RRP12: variants seen among roughly 807,000 people sequenced by gnomAD.
RRP12 encodes the protein ribosomal RNA processing 12 homolog.
Under a neutral mutation model 157.3 loss-of-function variants are expected in RRP12, and 78 were observed. That is an observed-to-expected ratio of 0.50 (90% CI 0.41 to 0.60). The LOEUF is 0.60. RRP12 is among the 20% of genes least tolerant of loss of function. The pLI is 0.00. For missense variants in RRP12, 1,521 were observed against 1,679.9 expected (o/e 0.91, Z 1.65); for synonymous variants, 726 against 670.9 (o/e 1.08, Z -1.27).
chr10:97,385,080 C>T (rs1245890551), intron 10 of RRP12, 86 bp downstream of exon 10: 10 of 441,586 alleles, frequency 2.3e-5, no homozygotes, highest in Admixed American at 4.4e-5. Flanking sequence ...GAGGACCCCC[C>T]ACCTCGGCAG....
chr10:97,358,960 C>T lies in RRP12; in HGVS notation c.3691G>A (p.Ala1231Thr). 6.2e-7 allele frequency: 1 copy of T among 1,613,706 alleles called. No individual in the cohort carries two copies. The highest frequency in any genetic ancestry group is 8.5e-7 in the Non-Finnish European group (1 of 1,179,754). Residue 1231 changes from alanine (A) to threonine (T), a missense_variant, in exon 32 of 34, where the codon GCT becomes ACT. Physicochemically the swap from Ala to Thr is moderately conservative, Grantham distance 58. Transcript: ENST00000370992. ...GCACTTACCTTGGCCTTGTATTCAG[C>T]CCCAGGCATAGCCTTCTTGGCCACA... is the stretch of plus-strand genomic sequence containing the variant. ...RPVAKKAMPGAEYKAKKAKGD... is the reference protein window; with the variant it reads ...RPVAKKAMPGTEYKAKKAKGD...
chr10:97,373,501 T>G, intron 17 of RRP12, 74 bp downstream of exon 17: 2 of 1,444,322 alleles, frequency 1.4e-6, no homozygotes, highest in South Asian at 2.7e-5. Context: ...TGGCAAGGAG[T>G]GTAGCAAGCC....
Position 97,369,520 on chromosome 10 carries a change from G to A in RRP12, c.2860C>T (p.Arg954Cys), listed in dbSNP as rs771270436. ...GCAGACTTGACCACGTCACGGGTGC[G>A]GGAGGCCAGAAGCAGGCACACATTC... is the stretch of plus-strand genomic sequence containing the variant. ...LENVCLLLAS[R>C]TRDVVKSALG... Residue 954 changes from arginine (R) to cysteine (C), a missense_variant, in exon 25 of 34, where the codon CGC (arginine) becomes TGC (cysteine). Physicochemically the swap from Arg to Cys is radical, Grantham distance 180. Coordinates refer to ENST00000370992, the MANE Select transcript of RRP12 (RefSeq NM_015179.4). 1.5e-5 allele frequency: 24 copies of A among 1,598,818 alleles called. No individual in the cohort carries two copies. Among genetic ancestry groups the A allele is most frequent in the South Asian group, 7.9e-5 (7 of 88,664 alleles).
rs1186503018 is a variant in RRP12, at chr10:97,398,279, C to A, written c.370-1978G>T. Among the ~76,000 whole-genome samples the A allele has an allele frequency of 3.2e-4, 32 of 100,134 alleles. 9 individuals carry two copies. Among genetic ancestry groups the A allele is most frequent in the Non-Finnish European group, 5.7e-4 (30 of 52,374 alleles). 65.7% of individuals were successfully genotyped at this position (100,134 alleles called of 152,430 possible). A position where few individuals can be genotyped will look rare whatever the true frequency, so the allele number is the denominator to read the frequency against. ...CCTTGTTAGCCAGGATGGTCTCGATCTCCTGACCTCATGATCCACCCGCCT... is the reference window on the plus strand; with the variant it reads ...CCTTGTTAGCCAGGATGGTCTCGATATCCTGACCTCATGATCCACCCGCCT... On this transcript the variant is annotated intron_variant, in intron 2 of 33. Coordinates refer to ENST00000370992, the MANE Select transcript of RRP12 (RefSeq NM_015179.4).
Position 97,400,346 on chromosome 10 carries a change from CTTTG to C in RRP12, c.324_327del (p.Ser108ArgfsTer26), listed in dbSNP as rs753791027. On this transcript the variant is annotated frameshift_variant, in exon 2 of 34. Transcript: ENST00000370992. LOFTEE classifies it high-confidence loss of function. ...GAGTTGGACTCCCAGAAGCGCTGTA[CTTTG>C]CTGAAGGTGACGTTTGTGCAGTCGG... 2 of 1,614,050 alleles carry C rather than the reference CTTTG, an allele frequency of 1.2e-6. No individual in the cohort carries two copies. Among genetic ancestry groups the C allele is most frequent in the Non-Finnish European group, 1.7e-6 (2 of 1,180,024 alleles).
intron 3 of RRP12, among the ~76,000 whole-genome samples, chr10:97,395,359 C>A (rs776898532): frequency 2.7e-5 from 4 of 149,962 alleles, no homozygotes; most frequent in Non-Finnish European, 5.9e-5. Context: ...CGAGACCAGC[C>A]GGGCCAACAT....
intron 10 of RRP12, among the ~76,000 whole-genome samples, chr10:97,383,286 G>A (rs370274591): frequency 2.3e-4 from 35 of 152,302 alleles, no homozygotes; most frequent in Middle Eastern, 6.8e-3. Context: ...CAGTAAAGGC[G>A]GTTTGATGCA....
At chr10:97,384,556 C>G (rs1320837520) in intron 10 of RRP12, among the ~76,000 whole-genome samples, 1 of 149,416 alleles carries the variant, frequency 6.7e-6, no homozygotes, top group Non-Finnish European at 1.5e-5. Flanking sequence ...TTAAGTACCC[C>G]CAACCTCAGC....
At chr10:97,368,246 G>A (rs1844045673) in intron 25 of RRP12, among the ~76,000 whole-genome samples, 1 of 151,880 alleles carries the variant, frequency 6.6e-6, no homozygotes. Flanking sequence ...TGGCCAGGCT[G>A]GTCTCGAATT....
chr10:97,371,974 A>C, intron 20 of RRP12, 99 bp downstream of exon 20: 2 of 750,722 alleles, frequency 2.7e-6, no homozygotes, highest in East Asian at 2.6e-5. Flanking sequence ...TGATCTCGGG[A>C]AGCAGCAAGG....
intron 4 of RRP12, among the ~76,000 whole-genome samples, chr10:97,391,141 C>T (rs1389463136): frequency 3.3e-5 from 5 of 152,222 alleles, no homozygotes; most frequent in Non-Finnish European, 7.3e-5. Flanking sequence ...TACTCCTTCC[C>T]TCCCTTCTGC....
chr10:97,378,359 T>C (rs1455838807), intron 15 of RRP12, among the ~76,000 whole-genome samples: 1 of 152,234 alleles, frequency 6.6e-6, no homozygotes, highest in Non-Finnish European at 1.5e-5. Context: ...TATAGTCTAT[T>C]GCTCCTAGGC....
In RRP12 at chr10:97,399,647, G is replaced by A. The variant is rs565765003; in HGVS notation, c.369+658C>T. On this transcript the variant is annotated intron_variant, in intron 2 of 33. Coordinates refer to ENST00000370992, the MANE Select transcript of RRP12 (RefSeq NM_015179.4). Reference sequence around the variant, plus strand: ...AGGTGGGCGGATTACCTGAGTTCAGGAGTTTGAGACCAGCCTGGCTAACAT... The same window carrying A: ...AGGTGGGCGGATTACCTGAGTTCAGAAGTTTGAGACCAGCCTGGCTAACAT... Among the ~76,000 whole-genome samples the A allele has an allele frequency of 4.0e-5, 6 of 151,810 alleles. No individual in the cohort carries two copies. The East Asian group carries it at 9.7e-4, about 24-fold the overall frequency.
chr10:97,360,635 G>C lies in RRP12; in HGVS notation c.3568-17C>G. Reference sequence around the variant, plus strand: ...GTGCTTTTTCTATAGAGAGAGAATAGGTGGGTAGTGAGTGAACCAGGGGAT... The same window carrying C: ...GTGCTTTTTCTATAGAGAGAGAATACGTGGGTAGTGAGTGAACCAGGGGAT... On this transcript the variant is annotated splice_polypyrimidine_tract_variant and intron_variant, in intron 30 of 33. Coordinates refer to ENST00000370992, the MANE Select transcript of RRP12 (RefSeq NM_015179.4). 1 of 1,605,506 alleles carries C rather than the reference G, an allele frequency of 6.2e-7. No individual in the cohort carries two copies. Among genetic ancestry groups the C allele is most frequent in the South Asian group, 1.1e-5 (1 of 90,896 alleles).
chr10:97,381,005 C>T (rs1335788305), intron 12 of RRP12, 92 bp from the exon 13 acceptor site: 11 of 1,000,192 alleles, frequency 1.1e-5, no homozygotes, highest in South Asian at 2.7e-5. Flanking sequence ...GAGCTACAGA[C>T]GCTAGCTGGC....
chr10:97,376,385 T>C (rs1212914062), intron 15 of RRP12, among the ~76,000 whole-genome samples: 1 of 151,760 alleles, frequency 6.6e-6, no homozygotes, highest in Non-Finnish European at 1.5e-5. Flanking sequence ...CAGCTAATTT[T>C]TGTATTTTTA....
chr10:97,360,586 C>T lies in RRP12; in HGVS notation c.3600G>A (p.Glu1200=). 6.2e-7 allele frequency: 1 copy of T among 1,614,052 alleles called. No individual in the cohort carries two copies. Among genetic ancestry groups the T allele is most frequent in the South Asian group, 1.1e-5 (1 of 91,086 alleles). Reference sequence around the variant, plus strand: ...GTATCTCCAGCTCCTCCTCCTCAGCCTCTTTCTGGTGCTTGAGCTTCTGGT... The same window carrying T: ...GTATCTCCAGCTCCTCCTCCTCAGCTTCTTTCTGGTGCTTGAGCTTCTGGT... ...KKHQKLKHQK[E]AEEEELEIPP... Residue 1200 remains glutamate, a synonymous_variant, in exon 31 of 34, where the codon GAG becomes GAA. Transcript: ENST00000370992.
chr10:97,390,933 G>A (rs1844786547), intron 4 of RRP12, 89 bp from the exon 5 acceptor site: 1 of 857,970 alleles, frequency 1.2e-6, no homozygotes. Flanking sequence ...GACAGGGCAA[G>A]GGGCGCTGGT....
chr10:97,386,037 C>A (rs368911226), intron 8 of RRP12, 44 bp from the exon 9 acceptor site: 1 of 1,371,712 alleles, frequency 7.3e-7, no homozygotes, highest in Non-Finnish European at 1.0e-6. Flanking sequence ...ACAAAGCCCA[C>A]GGCTGGCCCT....
Sources: gnomAD v4.1 joint callset for allele counts (sites outside exome capture counted in the v4.1 genomes callset) on GRCh38, gnomAD v4.1.1 for gene constraint, MANE v1.5 for transcripts, NCBI Gene and HGNC (gene_info 2026-07-23, HGNC 2026-07-21) for gene names.